MROH9: variants seen among roughly 807,000 people sequenced by gnomAD.
MROH9 encodes the protein maestro heat like repeat family member 9, also known as maestro heat-like repeat-containing protein family member 9.
A neutral mutation model predicts 98.2 loss-of-function variants in MROH9; 92 were observed. The observed-to-expected ratio is 0.94, with a 90% CI of 0.79 to 1.11. The LOEUF (loss-of-function observed/expected upper bound fraction) is 1.11. MROH9 is among the 50% of genes most tolerant of loss of function. The pLI is 0.00. For missense variants in MROH9, 1,057 were observed against 1,014.8 expected, an observed-to-expected ratio of 1.04 and a Z score of -0.57; for synonymous variants, 397 against 368.9, an observed-to-expected ratio of 1.08 and a Z score of -0.87.
rs200205764 is a variant in MROH9 at position 170,971,789 on chromosome 1, G to T, written c.522G>T (p.Glu174Asp). ...CATGTTTGGGTCTCCTGGCAGCAGAGCTGTCTCTTTTGTGTTCCCATGAAG... is the reference window on the plus strand; with the variant it reads ...CATGTTTGGGTCTCCTGGCAGCAGATCTGTCTCTTTTGTGTTCCCATGAAG... ...DAPCLGLLAA[E>D]LSLLCSHEDP... Residue 174 changes from glutamate (E) to aspartate (D), a missense_variant, in exon 8 of 22, where the codon GAG becomes GAT. Coordinates refer to ENST00000367759, the MANE Select transcript of MROH9 (RefSeq NM_001163629.2). 1 of 1,614,048 alleles carries T rather than the reference G, an allele frequency of 6.2e-7. No homozygotes were observed.
intron 1 of MROH9, among the ~76,000 whole-genome samples, chr1:170,942,426 A>G (rs1046662010): frequency 1.3e-5 from 2 of 151,100 alleles, no homozygotes; most frequent in African/African-American, 2.4e-5. Context: ...GAGAATACCG[A>G]TAATTTTATC....
intron 8 of MROH9, among the ~76,000 whole-genome samples, chr1:170,977,453 C>T (rs999277397): frequency 2.0e-5 from 3 of 152,152 alleles, no homozygotes; most frequent in African/African-American, 7.2e-5. Flanking sequence ...GTATTTGTAT[C>T]TGACTTCTCA....
intron 16 of MROH9, among the ~76,000 whole-genome samples, chr1:171,015,537 C>T (rs1245259850): frequency 1.3e-5 from 2 of 152,044 alleles, no homozygotes; most frequent in South Asian, 2.1e-4. Context: ...TTTCTCCTTG[C>T]CTTTCTTTCT....
intron 4 of MROH9, among the ~76,000 whole-genome samples, chr1:170,958,757 C>G (rs977244820): frequency 6.6e-6 from 1 of 152,096 alleles, no homozygotes; most frequent in Non-Finnish European, 1.5e-5. Context: ...CTTCATTTGC[C>G]ATCAGTTTGA....
At chr1:171,052,818 A>G (rs1156698571) in intron 20 of MROH9, among the ~76,000 whole-genome samples, 1 of 152,312 alleles carries the variant, frequency 6.6e-6, no homozygotes. Flanking sequence ...CTCCTAATGC[A>G]GGTGAGTAGG....
rs1336944318 is a variant in MROH9 at position 170,970,729 on chromosome 1, T to TGA, written c.481-1018_481-1017insAG. On this transcript the variant is annotated intron_variant, in intron 7 of 21. Transcript: ENST00000367759. ...GTGTGTGTGTGTGTGTGTGTGTGTG[T>TGA]GTGAGAGAGAGAGAGAGAGAGAGAG... Among the ~76,000 whole-genome samples the TGA allele has an allele frequency of 2.6e-3, 264 of 102,088 alleles. 1 individual carries two copies. The highest frequency in any genetic ancestry group is 3.8e-3 in the Non-Finnish European group (175 of 46,598). The allele number at this position is 102,088 out of a possible 152,430, so 67.0% of individuals were successfully genotyped here.
At chr1:170,968,734 T>C (rs1650327518) in intron 7 of MROH9, among the ~76,000 whole-genome samples, 1 of 151,674 alleles carries the variant, frequency 6.6e-6, no homozygotes, top group South Asian at 2.1e-4. Flanking sequence ...GGTGACAGAG[T>C]GAGACCCCAT....
chr1:171,020,774 C>G (rs1438199314), intron 17 of MROH9, among the ~76,000 whole-genome samples: 1 of 151,984 alleles, frequency 6.6e-6, no homozygotes, highest in Non-Finnish European at 1.5e-5. Flanking sequence ...GGCAATCAGG[C>G]AAGGGAAAAA....
At position 171,059,567 on chromosome 1, in the gene MROH9, C is replaced by A. The variant is rs7471584; in HGVS notation, c.2282-2565C>A. On this transcript the variant is annotated intron_variant, in intron 20 of 21. Coordinates refer to ENST00000367759, the MANE Select transcript of MROH9 (RefSeq NM_001163629.2). ...TATACCCAAAGGAATACAAATCATT[C>A]TCATATAAAGACACATGCACACCTA... is the stretch of plus-strand genomic sequence containing the variant. Among the ~76,000 whole-genome samples, 1,353 of 152,236 alleles carry A rather than the reference C, an allele frequency of 8.9e-3. 24 individuals are homozygous for A. The highest frequency in any genetic ancestry group is 0.031 in the African/African-American group (1,278 of 41,530).
chr1:171,060,150 T>C (rs1035876780), intron 20 of MROH9, among the ~76,000 whole-genome samples: 19 of 151,898 alleles, frequency 1.3e-4, no homozygotes, highest in Admixed American at 7.2e-4. Flanking sequence ...CCAAAGCCTA[T>C]TGAAATAAAA....
At chr1:170,994,466 A>C (rs1651479283) in intron 12 of MROH9, among the ~76,000 whole-genome samples, 1 of 152,086 alleles carries the variant, frequency 6.6e-6, no homozygotes, top group South Asian at 2.1e-4. Flanking sequence ...TTTTTTAAAA[A>C]ATTTTCTATT....
intron 20 of MROH9, among the ~76,000 whole-genome samples, chr1:171,026,282 T>TTC (rs1652711063): frequency 6.6e-6 from 1 of 151,102 alleles, no homozygotes; most frequent in African/African-American, 2.4e-5. Context: ...TTCTTTTCTT[T>TTC]TTTTTTTTTT....
chr1:170,979,324 A>G (rs983776241), intron 8 of MROH9, among the ~76,000 whole-genome samples: 3 of 152,202 alleles, frequency 2.0e-5, no homozygotes, highest in African/African-American at 7.2e-5. Context: ...CATTAGTTCT[A>G]TTCTATTCAA....
At chr1:170,976,762 A>G (rs1256361651) in intron 8 of MROH9, among the ~76,000 whole-genome samples, 2 of 152,148 alleles carry the variant, frequency 1.3e-5, no homozygotes, top group African/African-American at 4.8e-5. Flanking sequence ...TATTTCCTGA[A>G]TTTGACTGTT....
At chr1:171,055,618 T>TAAA (rs1204544479) in intron 20 of MROH9, among the ~76,000 whole-genome samples, 59 of 77,840 alleles carry the variant, frequency 7.6e-4, no homozygotes, top group East Asian at 1.7e-3. Flanking sequence ...TGAGACTTCA[T>TAAA]AAAAAAAAAA....
chr1:171,000,282 T>C (rs1378043360), intron 15 of MROH9, among the ~76,000 whole-genome samples: 1 of 151,922 alleles, frequency 6.6e-6, no homozygotes, highest in Admixed American at 6.6e-5. Flanking sequence ...GAAGTTTTTT[T>C]TCCAATGTTA....
intron 7 of MROH9, among the ~76,000 whole-genome samples, chr1:170,967,410 A>G (rs752788800): frequency 1.3e-5 from 2 of 152,200 alleles, no homozygotes; most frequent in Non-Finnish European, 2.9e-5. Context: ...GGAGGCAAAT[A>G]TACAAAACAA....
intron 9 of MROH9, among the ~76,000 whole-genome samples, chr1:170,984,145 G>A (rs1208854148): frequency 6.6e-6 from 1 of 152,164 alleles, no homozygotes; most frequent in African/African-American, 2.4e-5. Context: ...TTGGGGCCCA[G>A]GTTGGGATTT....
At chr1:170,986,466 C>A in intron 9 of MROH9, 95 bp from the exon 10 acceptor site, 1 of 1,343,100 alleles carries the variant, frequency 7.4e-7, no homozygotes, top group Non-Finnish European at 1.0e-6. Context: ...TGTGGCCCTG[C>A]TTGGCTCTTG....
Sources: gnomAD v4.1 joint callset for allele counts (sites outside exome capture counted in the v4.1 genomes callset) on GRCh38, gnomAD v4.1.1 for gene constraint, MANE v1.5 for transcripts, NCBI Gene and HGNC (gene_info 2026-07-23, HGNC 2026-07-21) for gene names.